Variants in MAD1L1 observed in about 807,000 individuals in gnomAD.
The protein encoded by MAD1L1 is mitotic arrest deficient 1 like 1.
MAD1L1 carries 95 observed loss-of-function variants against 96.9 expected under a neutral mutation model. That is an observed-to-expected ratio of 0.98 (90% CI 0.83 to 1.16). The LOEUF is 1.16. Among genes scored for constraint, MAD1L1 ranks in the 50% most tolerant of loss-of-function variants. The pLI, the probability that MAD1L1 is intolerant of heterozygous loss-of-function variation, is 0.00. For synonymous variants in MAD1L1, 473 were observed against 396.6 expected, an observed-to-expected ratio of 1.19 and a Z score of -2.29; for missense variants, 1,007 against 954.4, an observed-to-expected ratio of 1.06 and a Z score of -0.73.
At chr7:1,873,616 TG>T (rs34955042) in intron 18 of MAD1L1, among the ~76,000 whole-genome samples, 1 of 151,830 alleles carries the variant, frequency 6.6e-6, no homozygotes, top group East Asian at 1.9e-4. Flanking sequence ...GGAGGGGTAG[TG>T]GGAGATCCTG....
At chr7:1,877,664 C>G (rs1397370616) in intron 18 of MAD1L1, among the ~76,000 whole-genome samples, 1 of 151,944 alleles carries the variant, frequency 6.6e-6, no homozygotes. Flanking sequence ...TATACAGACA[C>G]AGGTAGATTA....
chr7:1,986,535 C>T (rs1303980941), intron 14 of MAD1L1, among the ~76,000 whole-genome samples: 2 of 148,892 alleles, frequency 1.3e-5, no homozygotes, highest in East Asian at 1.9e-4. Flanking sequence ...TCCCTCGCGC[C>T]GGCAAGGGGG....
At chr7:1,996,178 T>C (rs1781546375) in intron 14 of MAD1L1, among the ~76,000 whole-genome samples, 1 of 146,436 alleles carries the variant, frequency 6.8e-6, no homozygotes, top group South Asian at 2.2e-4. Context: ...TACACACGGC[T>C]GCTGGGCGGG....
At chr7:2,204,632 G>A (rs976486945) in intron 10 of MAD1L1, among the ~76,000 whole-genome samples, 3 of 152,190 alleles carry the variant, frequency 2.0e-5, no homozygotes, top group Non-Finnish European at 4.4e-5. Flanking sequence ...TCCAAGCACC[G>A]CCGCTGCCGC....
chr7:2,099,174 G>A (rs114883530), intron 11 of MAD1L1, among the ~76,000 whole-genome samples: 2 of 152,142 alleles, frequency 1.3e-5, no homozygotes, highest in South Asian at 2.1e-4. Flanking sequence ...ATCCCCCAAC[G>A]CACCGCTAAC....
chr7:2,094,195 G>A (rs907595207), intron 11 of MAD1L1, among the ~76,000 whole-genome samples: 20 of 152,222 alleles, frequency 1.3e-4, no homozygotes, highest in East Asian at 1.9e-4. Context: ...CTCCCAGGAG[G>A]CTGAGCAGGG....
intron 18 of MAD1L1, 84 bp from the exon 19 acceptor site, chr7:1,816,312 C>A (rs1471373646): frequency 7.2e-7 from 1 of 1,384,194 alleles, no homozygotes; most frequent in Admixed American, 1.8e-5. Flanking sequence ...ACAGCCCCTC[C>A]AGCCATGGGG....
chr7:1,985,880 T>G (rs1462459964), intron 14 of MAD1L1, among the ~76,000 whole-genome samples: 1 of 152,184 alleles, frequency 6.6e-6, no homozygotes, highest in Non-Finnish European at 1.5e-5. Flanking sequence ...AGCGTGTGCG[T>G]TCCGCCCAAG....
chr7:2,061,331 C>T (rs1029456687), intron 12 of MAD1L1, among the ~76,000 whole-genome samples: 4 of 151,636 alleles, frequency 2.6e-5, no homozygotes, highest in African/African-American at 7.3e-5. Flanking sequence ...AGTGAGACTC[C>T]GTCTCAAAAA....
At chr7:1,897,155 G>C (rs1411454415) in intron 18 of MAD1L1, among the ~76,000 whole-genome samples, 6 of 152,398 alleles carry the variant, frequency 3.9e-5, no homozygotes, top group Non-Finnish European at 8.8e-5. Context: ...GGAGGAGGAA[G>C]AGCCGGGCTA....
intron 10 of MAD1L1, among the ~76,000 whole-genome samples, chr7:2,184,629 G>A (rs1406772339): frequency 6.6e-6 from 1 of 152,202 alleles, no homozygotes; most frequent in South Asian, 2.1e-4. Context: ...ATACTCACAA[G>A]AGGCAGCTAC....
At chr7:1,922,848 G>A (rs1287843612) in intron 17 of MAD1L1, among the ~76,000 whole-genome samples, 1 of 152,246 alleles carries the variant, frequency 6.6e-6, no homozygotes, top group Non-Finnish European at 1.5e-5. Context: ...CTCGCTGACT[G>A]CATTTGTGCA....
chr7:1,954,072 G>A (rs1378869235), intron 16 of MAD1L1, among the ~76,000 whole-genome samples: 8 of 152,186 alleles, frequency 5.3e-5, no homozygotes, highest in Non-Finnish European at 1.0e-4. Flanking sequence ...CTCACTGTGG[G>A]TCCTGCCCCA....
chr7:1,851,114 A>G (rs1362850788), intron 18 of MAD1L1, among the ~76,000 whole-genome samples: 4 of 152,240 alleles, frequency 2.6e-5, no homozygotes, highest in Non-Finnish European at 5.9e-5. Context: ...GCCAGAATCT[A>G]TAGGCACTCA....
At chr7:1,918,531 C>T (rs1334314212) in intron 17 of MAD1L1, among the ~76,000 whole-genome samples, 1 of 152,224 alleles carries the variant, frequency 6.6e-6, no homozygotes, top group Non-Finnish European at 1.5e-5. Context: ...CAGGGAGGAT[C>T]TGTTTGCAGG....
chr7:1,854,606 G>A (rs114815289), intron 18 of MAD1L1, among the ~76,000 whole-genome samples: 84 of 152,176 alleles, frequency 5.5e-4, no homozygotes, highest in African/African-American at 1.8e-3. Flanking sequence ...AGCACCTCCC[G>A]AAGACCCCGC....
intron 15 of MAD1L1, among the ~76,000 whole-genome samples, chr7:1,973,189 A>G (rs55790414): frequency 0.033 from 4,992 of 152,314 alleles, 180 homozygotes; most frequent in Admixed American, 0.097. Context: ...CAGTTCCGTC[A>G]GTCGTGGAGG....
intron 15 of MAD1L1, among the ~76,000 whole-genome samples, chr7:1,971,758 G>A (rs1780417042): frequency 6.6e-6 from 1 of 152,144 alleles, no homozygotes; most frequent in Admixed American, 6.6e-5. Context: ...CCAGACAGAT[G>A]AGTGGCAAAC....
chr7:2,115,152 A>G (rs897310549), intron 11 of MAD1L1, among the ~76,000 whole-genome samples: 2 of 152,222 alleles, frequency 1.3e-5, no homozygotes, highest in African/African-American at 4.8e-5. Context: ...CCGCAGGAGG[A>G]CATGAGGCCA....
Sources: allele counts gnomAD v4.1 joint callset (sites outside exome capture counted in the v4.1 genomes callset), GRCh38; gene constraint gnomAD v4.1.1; transcripts MANE v1.5; gene names NCBI Gene and HGNC (gene_info 2026-07-23, HGNC 2026-07-21).